The following BICC1 variants were observed in gnomAD, a reference collection of about 807,000 sequenced individuals.
The protein encoded by BICC1 is BicC family RNA binding protein 1.
Under a neutral mutation model 111.0 loss-of-function variants are expected in BICC1, and 43 were observed. That is an observed-to-expected ratio of 0.39 (90% CI 0.30 to 0.50). The LOEUF is 0.50. Among genes scored for constraint, BICC1 ranks in the 20% least tolerant of loss-of-function variants. The probability of loss-of-function intolerance (pLI) is 0.88; values close to 1 mark genes in which losing one functional copy is unlikely to be tolerated. For missense variants in BICC1, 1,091 were observed against 1,203.2 expected (o/e 0.91, Z 1.38); for synonymous variants, 467 against 434.4 (o/e 1.07, Z -0.93).
chr10:58,794,163 TTTTG>T (rs1394242719), intron 9 of BICC1, among the ~76,000 whole-genome samples: 20 of 133,396 alleles, frequency 1.5e-4, no homozygotes, highest in Non-Finnish European at 1.9e-4. Context: ...TACTTACATG[TTTTG>T]TGTGTGTGTG....
At chr10:58,593,990 C>T (rs933228976) in intron 1 of BICC1, among the ~76,000 whole-genome samples, 1 of 151,688 alleles carries the variant, frequency 6.6e-6, no homozygotes, top group East Asian at 2.0e-4. Flanking sequence ...AAAGGTGAGA[C>T]GAATTGCTAA....
intron 3 of BICC1, among the ~76,000 whole-genome samples, chr10:58,771,937 A>T (rs1441376687): frequency 6.6e-6 from 1 of 152,190 alleles, no homozygotes; most frequent in African/African-American, 2.4e-5. Context: ...GTCACTAAAA[A>T]TGTGTCAGTT....
rs78512655 is a variant in BICC1 at position 58,608,430 on chromosome 10, G to A, written c.191-12425G>A. Among the ~76,000 whole-genome samples, 890 of 152,212 alleles carry A rather than the reference G, an allele frequency of 5.8e-3. 8 individuals carry two copies. The highest frequency in any genetic ancestry group is 0.02 in the African/African-American group (846 of 41,530). On this transcript the variant is annotated intron_variant, in intron 1 of 20. Transcript: ENST00000373886. The stretch of plus-strand genomic sequence containing the variant: ...CTGAGGCATTGAAAAAAGAAAACGC[G>A]TTTTGGAATCAGACATTCATGAGTA...
intron 3 of BICC1, among the ~76,000 whole-genome samples, chr10:58,712,982 C>T (rs1411900312): frequency 2.6e-5 from 4 of 152,098 alleles, no homozygotes; most frequent in Non-Finnish European, 5.9e-5. Context: ...CTAGACACAG[C>T]ATTTTTATCA....
At chr10:58,579,012 G>A (rs1844190343) in intron 1 of BICC1, among the ~76,000 whole-genome samples, 1 of 152,282 alleles carries the variant, frequency 6.6e-6, no homozygotes, top group South Asian at 2.1e-4. Flanking sequence ...CTTATGAGTT[G>A]ATTTCTCATG....
At chr10:58,523,549 T>G (rs7089636) in intron 1 of BICC1, among the ~76,000 whole-genome samples, 74,473 of 151,946 alleles carry the variant, frequency 0.49, 18,510 homozygotes, top group South Asian at 0.55. Context: ...TGATGGGACG[T>G]ATCTCAAAAT....
chr10:58,784,220 G>A (rs1017360041), intron 3 of BICC1, among the ~76,000 whole-genome samples: 1 of 151,966 alleles, frequency 6.6e-6, no homozygotes, highest in African/African-American at 2.4e-5. Context: ...AGTTCTTTGT[G>A]GACAGGACTC....
At chr10:58,515,009 A>G (rs1564466820) in intron 1 of BICC1, among the ~76,000 whole-genome samples, 2 of 152,238 alleles carry the variant, frequency 1.3e-5, no homozygotes, top group Admixed American at 6.5e-5. Flanking sequence ...CAAACAAGTA[A>G]GGACAGTGAT....
chr10:58,770,685 G>A (rs1382519076), intron 3 of BICC1, among the ~76,000 whole-genome samples: 1 of 151,978 alleles, frequency 6.6e-6, no homozygotes, highest in African/African-American at 2.4e-5. Flanking sequence ...ATACTTAATG[G>A]GACAATCCAG....
chr10:58,638,554 C>T (rs1034839798), intron 2 of BICC1, among the ~76,000 whole-genome samples: 1 of 152,200 alleles, frequency 6.6e-6, no homozygotes, highest in Non-Finnish European at 1.5e-5. Context: ...CACTGGTCTA[C>T]ACATGGGTCA....
At chr10:58,549,181 A>G (rs1202061663) in intron 1 of BICC1, among the ~76,000 whole-genome samples, 1 of 151,940 alleles carries the variant, frequency 6.6e-6, no homozygotes, top group African/African-American at 2.4e-5. Context: ...GTATTCTATT[A>G]TATGGATGAC....
intron 3 of BICC1, among the ~76,000 whole-genome samples, chr10:58,736,855 A>T (rs1841482900): frequency 1.3e-5 from 2 of 152,082 alleles, no homozygotes; most frequent in African/African-American, 4.8e-5. Context: ...TCTAAATCTA[A>T]ATTATTTGTC....
At chr10:58,608,319 C>T (rs543699523) in intron 1 of BICC1, among the ~76,000 whole-genome samples, 122 of 152,296 alleles carry the variant, frequency 8.0e-4, no homozygotes, top group African/African-American at 2.9e-3. Flanking sequence ...ATTCCCTTTC[C>T]CTTTCACCAT....
intron 2 of BICC1, among the ~76,000 whole-genome samples, chr10:58,662,493 G>A (rs553576055): frequency 1.3e-5 from 2 of 152,168 alleles, no homozygotes; most frequent in Non-Finnish European, 2.9e-5. Context: ...TCCATAGCAA[G>A]CATCTGTATT....
At chr10:58,740,319 G>C (rs1304428797) in intron 3 of BICC1, among the ~76,000 whole-genome samples, 1 of 152,136 alleles carries the variant, frequency 6.6e-6, no homozygotes, top group African/African-American at 2.4e-5. Context: ...AAGAAAAGAC[G>C]ATTATAATTT....
At chr10:58,775,202 A>G (rs1192086486) in intron 3 of BICC1, among the ~76,000 whole-genome samples, 3 of 151,970 alleles carry the variant, frequency 2.0e-5, no homozygotes, top group Non-Finnish European at 4.4e-5. Flanking sequence ...GAGAAACTGC[A>G]TCTCTACTAA....
At chr10:58,807,392 G>T (rs1341799317) in intron 17 of BICC1, among the ~76,000 whole-genome samples, 1 of 152,066 alleles carries the variant, frequency 6.6e-6, no homozygotes, top group Non-Finnish European at 1.5e-5. Flanking sequence ...ATGTAAATTT[G>T]GATGTGAGTT....
upstream of BICC1, among the ~76,000 whole-genome samples, chr10:58,512,562 AAGT>A (rs573154843): frequency 8.9e-4 from 136 of 152,210 alleles, no homozygotes; most frequent in Admixed American, 1.4e-3. Context: ...AAGTGCAGAA[AAGT>A]AGTAGTGTGT....
At chr10:58,689,001 A>C (rs901670976) in intron 2 of BICC1, among the ~76,000 whole-genome samples, 1 of 152,204 alleles carries the variant, frequency 6.6e-6, no homozygotes. Flanking sequence ...CACATTCTGC[A>C]CATGTATCCC....
Sources: gnomAD v4.1 joint callset for allele counts (sites outside exome capture counted in the v4.1 genomes callset) on GRCh38, gnomAD v4.1.1 for gene constraint, MANE v1.5 for transcripts, NCBI Gene and HGNC (gene_info 2026-07-23, HGNC 2026-07-21) for gene names.